Variants in RBMS3 observed in about 807,000 individuals in gnomAD.
The protein encoded by RBMS3 is RNA-binding motif, single-stranded-interacting protein 3.
A neutral mutation model predicts 66.8 loss-of-function variants in RBMS3; 27 were observed. That is an observed-to-expected ratio of 0.40 (90% CI 0.30 to 0.56). The LOEUF (loss-of-function observed/expected upper bound fraction) is 0.56, where lower values mean the gene tolerates loss of function less well. RBMS3 is among the 20% of genes least tolerant of loss of function. The pLI, the probability that RBMS3 is intolerant of heterozygous loss-of-function variation, is 0.40. For synonymous variants in RBMS3, 188 were observed against 183.0 expected, an observed-to-expected ratio of 1.03 and a Z score of -0.22; for missense variants, 513 against 549.5, an observed-to-expected ratio of 0.93 and a Z score of 0.66.
chr3:29,329,665 A>G (rs925466047), intron 1 of RBMS3, among the ~76,000 whole-genome samples: 1 of 151,918 alleles, frequency 6.6e-6, no homozygotes, highest in Non-Finnish European at 1.5e-5. Flanking sequence ...AAAATGAAGT[A>G]TTTTGATGTG....
chr3:29,522,755 A>G (rs2148976370), intron 3 of RBMS3, among the ~76,000 whole-genome samples: 2 of 152,230 alleles, frequency 1.3e-5, no homozygotes, highest in East Asian at 3.9e-4. Flanking sequence ...GGCCAATCCT[A>G]CTGGAATCTA....
chr3:29,708,093 C>T (rs2052992073), intron 4 of RBMS3, among the ~76,000 whole-genome samples: 1 of 152,110 alleles, frequency 6.6e-6, no homozygotes, highest in Non-Finnish European at 1.5e-5. Context: ...AAATTAAAGC[C>T]CCTGCTGATT....
At chr3:29,356,627 T>C (rs2037236768) in intron 1 of RBMS3, among the ~76,000 whole-genome samples, 1 of 152,182 alleles carries the variant, frequency 6.6e-6, no homozygotes, top group South Asian at 2.1e-4. Flanking sequence ...GTTAAGTCAG[T>C]CAATTTTTCT....
intron 4 of RBMS3, among the ~76,000 whole-genome samples, chr3:29,677,848 C>T (rs1302248086): frequency 6.6e-6 from 1 of 152,044 alleles, no homozygotes; most frequent in Non-Finnish European, 1.5e-5. Flanking sequence ...AGAAAAAGCA[C>T]CAGAATGTGA....
At chr3:29,675,617 G>A (rs1342628685) in intron 4 of RBMS3, among the ~76,000 whole-genome samples, 2 of 152,160 alleles carry the variant, frequency 1.3e-5, no homozygotes, top group Non-Finnish European at 2.9e-5. Flanking sequence ...AATGGGTGAA[G>A]GATATGAATA....
At chr3:29,892,846 T>TG (rs34028341) in intron 8 of RBMS3, among the ~76,000 whole-genome samples, 381 of 118,616 alleles carry the variant, frequency 3.2e-3, no homozygotes, top group Middle Eastern at 0.015. Context: ...TATGTATGTA[T>TG]TTATTTATTT....
chr3:29,653,640 C>T (rs139264995), intron 4 of RBMS3, among the ~76,000 whole-genome samples: 118 of 152,148 alleles, frequency 7.8e-4, no homozygotes, highest in East Asian at 7.0e-3. Flanking sequence ...CTCTTTCACA[C>T]GAATAAAACT....
chr3:29,936,851 A>G (rs541835057), intron 11 of RBMS3, among the ~76,000 whole-genome samples: 1 of 152,180 alleles, frequency 6.6e-6, no homozygotes, highest in African/African-American at 2.4e-5. Context: ...AATCATAAGA[A>G]AAACTTTGTT....
At chr3:29,451,060 A>T (rs1200635074) in intron 2 of RBMS3, among the ~76,000 whole-genome samples, 1 of 152,170 alleles carries the variant, frequency 6.6e-6, no homozygotes, top group Non-Finnish European at 1.5e-5. Flanking sequence ...TGCTTACCAC[A>T]TACCAAGTGC....
intron 4 of RBMS3, among the ~76,000 whole-genome samples, chr3:29,653,936 C>T (rs1445076593): frequency 6.6e-6 from 1 of 152,164 alleles, no homozygotes; most frequent in African/African-American, 2.4e-5. Context: ...TCCGTGTCTT[C>T]ATAAACCTTG....
intron 7 of RBMS3, among the ~76,000 whole-genome samples, chr3:29,883,848 T>C (rs145714030): frequency 2.5e-3 from 383 of 152,198 alleles, no homozygotes; most frequent in African/African-American, 8.3e-3. Context: ...ATAGGTGTTC[T>C]TGACAATAGT....
At chr3:29,951,970 T>G (rs1695711124) in intron 12 of RBMS3, among the ~76,000 whole-genome samples, 1 of 151,826 alleles carries the variant, frequency 6.6e-6, no homozygotes, top group Admixed American at 6.6e-5. Context: ...GTTTTCAATT[T>G]CTATTTCTAA....
At chr3:29,898,337 C>T (rs1039842698) in intron 9 of RBMS3, among the ~76,000 whole-genome samples, 4 of 151,564 alleles carry the variant, frequency 2.6e-5, no homozygotes, top group Admixed American at 1.3e-4. Flanking sequence ...AGAATGCAAG[C>T]GTGTGTATGC....
chr3:29,996,854 AG>A (rs1699277038), intron 14 of RBMS3, among the ~76,000 whole-genome samples: 2 of 152,254 alleles, frequency 1.3e-5, no homozygotes, highest in Non-Finnish European at 2.9e-5. Flanking sequence ...CACAATTAAA[AG>A]AACTAGAAAA....
At chr3:29,602,414 A>C (rs945838129) in intron 4 of RBMS3, among the ~76,000 whole-genome samples, 28 of 152,082 alleles carry the variant, frequency 1.8e-4, no homozygotes, top group African/African-American at 6.5e-4. Flanking sequence ...GCATATGGTA[A>C]ATGCTCCAAT....
At chr3:29,869,470 T>C (rs530048448) in intron 7 of RBMS3, among the ~76,000 whole-genome samples, 127 of 151,202 alleles carry the variant, frequency 8.4e-4, no homozygotes, top group South Asian at 8.2e-3. Context: ...TATATGTATA[T>C]ACACACACAC....
intron 3 of RBMS3, 59 bp from the exon 4 acceptor site, chr3:29,587,055 G>C: frequency 7.6e-7 from 1 of 1,317,290 alleles, no homozygotes; most frequent in Non-Finnish European, 1.1e-6. Flanking sequence ...TACTTCATCA[G>C]TGAAGATAGA....
At chr3:29,719,016 T>C (rs1440524) in intron 4 of RBMS3, among the ~76,000 whole-genome samples, 54,225 of 151,980 alleles carry the variant, frequency 0.36, 9,750 homozygotes, top group East Asian at 0.44. Context: ...GTATGCTAAA[T>C]ATTCCTCCAT....
Position 29,281,523 on chromosome 3 carries a change from A to T in RBMS3, c.-159A>T, listed in dbSNP as rs564295326. On this transcript the variant is annotated 5_prime_UTR_variant, in exon 1 of 15. Coordinates refer to ENST00000383767, the MANE Select transcript of RBMS3 (RefSeq NM_001003793.3). ...TGTTTTTTGTTTTGTTTTGTTTTTT[A>T]AAAAAATTCTTGCTGTGTTGGAACT... 5.4e-5 allele frequency: 31 copies of T among 569,886 alleles called. No homozygotes were observed. The highest frequency in any genetic ancestry group is 1.2e-4 in the African/African-American group (6 of 49,356). The allele number at this position is 569,886 out of a possible 1,614,324, so 35.3% of individuals were successfully genotyped here. A position where few individuals can be genotyped will look rare whatever the true frequency, so the allele number is the denominator to read the frequency against.
Sources: allele counts gnomAD v4.1 joint callset (sites outside exome capture counted in the v4.1 genomes callset), GRCh38; gene constraint gnomAD v4.1.1; transcripts MANE v1.5; gene names NCBI Gene and HGNC (gene_info 2026-07-23, HGNC 2026-07-21).